CNTN4: variants seen among roughly 807,000 people sequenced by gnomAD.
CNTN4 encodes the protein contactin 4.
Under a neutral mutation model 122.5 loss-of-function variants are expected in CNTN4, and 77 were observed. The ratio of observed to expected loss-of-function variants is 0.63; its 90% CI spans 0.52 to 0.76. The LOEUF (loss-of-function observed/expected upper bound fraction) is 0.76. Ranked by LOEUF, CNTN4 falls within the 30% of genes least tolerant of loss-of-function variation. The pLI is 0.00. For missense variants in CNTN4, 1,256 were observed against 1,259.1 expected (o/e 1.00, Z 0.04); for synonymous variants, 512 against 447.0 (o/e 1.15, Z -1.83).
At chr3:3,004,377 C>T (rs1168507226) in intron 14 of CNTN4, among the ~76,000 whole-genome samples, 1 of 152,150 alleles carries the variant, frequency 6.6e-6, no homozygotes, top group Non-Finnish European at 1.5e-5. Context: ...GTCCCCCCAT[C>T]AGTCTTCCAC....
intron 4 of CNTN4, among the ~76,000 whole-genome samples, chr3:2,676,794 T>G (rs1191668555): frequency 2.0e-5 from 3 of 152,194 alleles, no homozygotes; most frequent in Non-Finnish European, 2.9e-5. Context: ...TTCAGAAACA[T>G]ATAAAAAGAC....
Position 2,691,460 on chromosome 3 carries a change from A to G in CNTN4, c.56-44755A>G, listed in dbSNP as rs114445962. On this transcript the variant is annotated intron_variant, in intron 4 of 24. Transcript: ENST00000418658. ...GATTCAGTTTTACTCCCAATGTGGA[A>G]TAATAGCAGGAAGTCTGTTGTGTGG... 1.4e-3 allele frequency among the ~76,000 whole-genome samples: 207 copies of G among 152,280 alleles called. 1 individual carries two copies. Among genetic ancestry groups the G allele is most frequent in the Non-Finnish European group, 2.2e-3 (152 of 68,016 alleles).
chr3:2,491,702 T>C (rs1221143667), intron 3 of CNTN4, among the ~76,000 whole-genome samples: 2 of 152,192 alleles, frequency 1.3e-5, no homozygotes, highest in African/African-American at 2.4e-5. Context: ...TTAATTATAG[T>C]TTTCATATTT....
chr3:2,816,434 T>C (rs1348237051), intron 6 of CNTN4, among the ~76,000 whole-genome samples: 1 of 146,890 alleles, frequency 6.8e-6, no homozygotes, highest in Admixed American at 6.7e-5. Flanking sequence ...GGGGGAAGAG[T>C]GGGAAGTGGG....
intron 3 of CNTN4, among the ~76,000 whole-genome samples, chr3:2,393,105 T>C (rs1269517899): frequency 6.6e-6 from 1 of 152,184 alleles, no homozygotes; most frequent in African/African-American, 2.4e-5. Context: ...TTCTTCTACC[T>C]TCTTGTGGTT....
At chr3:2,694,683 C>T (rs1374181344) in intron 4 of CNTN4, among the ~76,000 whole-genome samples, 1 of 152,068 alleles carries the variant, frequency 6.6e-6, no homozygotes, top group Non-Finnish European at 1.5e-5. Flanking sequence ...GAGCTAAGGT[C>T]GTGCCACCGC....
At chr3:2,605,072 T>G (rs923886670) in intron 4 of CNTN4, among the ~76,000 whole-genome samples, 1 of 152,180 alleles carries the variant, frequency 6.6e-6, no homozygotes, top group East Asian at 1.9e-4. Flanking sequence ...AGTAGTGTCA[T>G]CATAGTTCAC....
At chr3:2,977,242 A>G (rs1445871399) in intron 13 of CNTN4, among the ~76,000 whole-genome samples, 1 of 152,186 alleles carries the variant, frequency 6.6e-6, no homozygotes, top group Non-Finnish European at 1.5e-5. Context: ...TTAGAATACC[A>G]TAGGTTGCCA....
At chr3:2,713,262 G>A (rs1028397255) in intron 4 of CNTN4, among the ~76,000 whole-genome samples, 29 of 152,114 alleles carry the variant, frequency 1.9e-4, no homozygotes, top group African/African-American at 7.0e-4. Context: ...ACTTGGTGGT[G>A]GGAAGAAACC....
chr3:2,931,377 A>G (rs1334148194), intron 13 of CNTN4, among the ~76,000 whole-genome samples: 2 of 152,204 alleles, frequency 1.3e-5, no homozygotes, highest in African/African-American at 2.4e-5. Context: ...CACTTGCCGC[A>G]GTAGTAAACA....
intron 14 of CNTN4, among the ~76,000 whole-genome samples, chr3:3,019,086 G>C (rs1048915342): frequency 6.6e-6 from 1 of 152,024 alleles, no homozygotes; most frequent in African/African-American, 2.4e-5. Context: ...ATGGGGGAGA[G>C]GGGAACACTC....
intron 4 of CNTN4, among the ~76,000 whole-genome samples, chr3:2,727,522 A>C (rs1449205586): frequency 3.3e-5 from 5 of 152,192 alleles, no homozygotes; most frequent in Non-Finnish European, 7.3e-5. Context: ...GTCAAGGTTT[A>C]AGATCAGGGT....
At chr3:2,965,212 A>C (rs1338194426) in intron 13 of CNTN4, among the ~76,000 whole-genome samples, 1 of 152,240 alleles carries the variant, frequency 6.6e-6, no homozygotes, top group Admixed American at 6.5e-5. Context: ...GTCTCATTGC[A>C]GACAAGCATA....
At chr3:2,562,179 G>A (rs2149433295) in intron 3 of CNTN4, among the ~76,000 whole-genome samples, 1 of 152,260 alleles carries the variant, frequency 6.6e-6, no homozygotes. Flanking sequence ...CTATTTGGGA[G>A]AAATTCAACA....
chr3:2,764,928 TG>T (rs1425394075), intron 6 of CNTN4, among the ~76,000 whole-genome samples: 1 of 152,208 alleles, frequency 6.6e-6, no homozygotes, highest in Non-Finnish European at 1.5e-5. Flanking sequence ...GCTGGGAAGT[TG>T]AAGGGCTAGG....
rs563564987 is a variant in CNTN4, at chr3:2,264,713, A to G, written c.-144-74465A>G. Among the ~76,000 whole-genome samples the G allele has an allele frequency of 2.3e-3, 347 of 152,022 alleles. 3 individuals carry two copies. Among genetic ancestry groups the G allele is most frequent in the African/African-American group, 8.0e-3 (332 of 41,496 alleles). On this transcript the variant is annotated intron_variant, in intron 2 of 24. Coordinates refer to ENST00000418658, the MANE Select transcript of CNTN4 (RefSeq NM_175607.3). ...ACCCCAAAAATCTTTTTTGAGACCA[A>G]TGTTCTGTATCATTTCCTCTGGTAG...
At chr3:2,670,657 G>A (rs1013804196) in intron 4 of CNTN4, among the ~76,000 whole-genome samples, 4 of 152,166 alleles carry the variant, frequency 2.6e-5, no homozygotes, top group Non-Finnish European at 2.9e-5. Context: ...TGGTTAGTTT[G>A]CTCAGTAGTT....
chr3:2,281,627 C>A (rs2041718955), intron 2 of CNTN4, among the ~76,000 whole-genome samples: 1 of 151,974 alleles, frequency 6.6e-6, no homozygotes. Context: ...TTTACTTTTC[C>A]CAATTCTTGA....
In CNTN4 at chr3:2,883,322, C is replaced by T. The variant is rs1033949313; in HGVS notation, c.755+75C>T. The T allele has an allele frequency of 2.1e-4, 221 of 1,062,046 alleles. 2 individuals are homozygous for T. The highest frequency in any genetic ancestry group is 1.3e-4 in the Admixed American group (7 of 51,896). The allele number at this position is 1,062,046 out of a possible 1,614,324, so 65.8% of individuals were successfully genotyped here. A position where few individuals can be genotyped will look rare whatever the true frequency, so the allele number is the denominator to read the frequency against. On this transcript the variant is annotated intron_variant, in intron 9 of 24. Transcript: ENST00000418658. ...TATAGAGTTTTTCTTGCACTGTTCA[C>T]AGCGATGGTTTCTGAGGTGACGGAA...
Sources: gnomAD v4.1 joint callset for allele counts (sites outside exome capture counted in the v4.1 genomes callset) on GRCh38, gnomAD v4.1.1 for gene constraint, MANE v1.5 for transcripts, NCBI Gene and HGNC (gene_info 2026-07-23, HGNC 2026-07-21) for gene names.